The following MAP1B variants were observed in gnomAD, a reference collection of about 807,000 sequenced individuals.
MAP1B encodes microtubule-associated protein 1B.
MAP1B carries 12 observed loss-of-function variants against 176.1 expected under a neutral mutation model. That is an observed-to-expected ratio of 0.07 (90% confidence interval 0.04 to 0.11). MAP1B has a LOEUF of 0.11. Ranked by LOEUF, MAP1B falls within the 10% of genes least tolerant of loss-of-function variation. The probability of loss-of-function intolerance (pLI) is 1.00; values close to 1 mark genes in which losing one functional copy is unlikely to be tolerated. For missense variants in MAP1B, 2,523 were observed against 2,990.5 expected, an observed-to-expected ratio of 0.84 and a Z score of 3.65; for synonymous variants, 1,044 against 1,135.0, an observed-to-expected ratio of 0.92 and a Z score of 1.61.
At chr5:72,179,044 G>T (rs1746711749) in intron 2 of MAP1B, among the ~76,000 whole-genome samples, 1 of 152,050 alleles carries the variant, frequency 6.6e-6, no homozygotes, top group African/African-American at 2.4e-5. Flanking sequence ...AAGTCTCATT[G>T]TCTGCAAGGC....
At chr5:72,155,703 A>G (rs1268090398) in intron 2 of MAP1B, among the ~76,000 whole-genome samples, 1 of 151,564 alleles carries the variant, frequency 6.6e-6, no homozygotes, top group East Asian at 1.9e-4. Context: ...TCTAGTCTTG[A>G]GTAGCCTTTC....
At position 72,203,627 on chromosome 5, in the gene MAP1B, C is replaced by G. The variant is rs1344788074; in HGVS notation, c.7077C>G (p.Asp2359Glu). 6.2e-7 allele frequency: 1 copy of G among 1,614,150 alleles called. No individual in the cohort carries two copies. The highest frequency in any genetic ancestry group is 1.1e-5 in the South Asian group (1 of 91,072). ...CCCCAGGCCTCCCTGTGTATTTGGA[C>G]CTGTGCTACATTCCTAACCACAGCA... The part of the protein sequence containing the change: ...AVPPGLPVYL[D>E]LCYIPNHSNS... Residue 2359 changes from aspartate to glutamate, a missense_variant, in exon 6 of 7, where the codon GAC (aspartate) becomes GAG (glutamate). Transcript: ENST00000296755.
intron 2 of MAP1B, among the ~76,000 whole-genome samples, chr5:72,129,556 TAA>T (rs879933423): frequency 3.6e-5 from 5 of 140,820 alleles, no homozygotes; most frequent in Admixed American, 7.1e-5. Flanking sequence ...GACTCCGTCC[TAA>T]AAAAAAAAAA....
At chr5:72,158,946 T>G (rs1198210773) in intron 2 of MAP1B, among the ~76,000 whole-genome samples, 1 of 152,226 alleles carries the variant, frequency 6.6e-6, no homozygotes, top group Non-Finnish European at 1.5e-5. Context: ...ACCCATTTCT[T>G]GAGTATCCAC....
At position 72,194,229 on chromosome 5, in the gene MAP1B, T is replaced by A. The variant is rs1747092587; in HGVS notation, c.874T>A (p.Ser292Thr). 4 of 1,614,140 alleles carry A rather than the reference T, an allele frequency of 2.5e-6. No individual in the cohort carries two copies. The East Asian group carries it at 8.9e-5, about 36-fold the overall frequency. The part of the protein sequence containing the change: ...MLINGGSERK[S>T]CFWKLIRHLD... ...CATCAATGGCGGATCAGAGAGAAAA[T>A]CCTGCTTCTGGAAGCTCATCCGACA... is the stretch of plus-strand genomic sequence containing the variant. Residue 292 changes from serine (S) to threonine (T), a missense_variant, in exon 5 of 7, where the codon TCC becomes ACC. Ser to Thr is a moderately conservative substitution (Grantham distance 58). This residue lies in a region of MAP1B where 307 missense variants were observed against 438.4 expected (regional missense o/e 0.70). Coordinates refer to ENST00000296755, the MANE Select transcript of MAP1B (RefSeq NM_005909.5). This position sits in a 1 kb window ranked among gnomAD's most constrained non-coding sequence, Gnocchi z 7.2.
chr5:72,153,137 A>G (rs1222428198), intron 2 of MAP1B, among the ~76,000 whole-genome samples: 1 of 152,210 alleles, frequency 6.6e-6, no homozygotes, highest in African/African-American at 2.4e-5. Context: ...TGTTTGCTTC[A>G]GATCTGTGTT....
chr5:72,175,593 G>A (rs1746637207), intron 2 of MAP1B, among the ~76,000 whole-genome samples: 1 of 152,070 alleles, frequency 6.6e-6, no homozygotes, highest in Admixed American at 6.6e-5. Flanking sequence ...CTTAACCCTT[G>A]ATATCCTTGA....
At chr5:72,150,860 T>A (rs1746127847) in intron 2 of MAP1B, among the ~76,000 whole-genome samples, 1 of 152,180 alleles carries the variant, frequency 6.6e-6, no homozygotes, top group East Asian at 1.9e-4. Flanking sequence ...CAGCCATAAT[T>A]TTCTTGCATC....
At position 72,206,473 on chromosome 5, in the gene MAP1B, A is replaced by T. The variant is rs1294195965; in HGVS notation, c.*1234A>T. The stretch of plus-strand genomic sequence containing the variant: ...AATGGCTTCTATGATCAGAACTGGG[A>T]AAACAGTGAATCTTATGGTGGAAGA... On this transcript the variant is annotated 3_prime_UTR_variant, in exon 7 of 7. Coordinates refer to ENST00000296755, the MANE Select transcript of MAP1B (RefSeq NM_005909.5). The T allele has an allele frequency of 6.6e-6, 1 of 152,644 alleles. No individual in the cohort carries two copies. The highest frequency in any genetic ancestry group is 1.5e-5 in the Non-Finnish European group (1 of 68,048). 9.5% of individuals were successfully genotyped at this position (152,644 alleles called of 1,614,324 possible). A position where few individuals can be genotyped will look rare whatever the true frequency, so the allele number is the denominator to read the frequency against.
Position 72,108,598 on chromosome 5 carries a change from G to A in MAP1B, c.184+883G>A, listed in dbSNP as rs1004186041. Among the ~76,000 whole-genome samples, 5 of 152,286 alleles carry A rather than the reference G, an allele frequency of 3.3e-5. No individual in the cohort carries two copies. In the East Asian group the frequency reaches 9.7e-4, roughly 30 times the overall value. Reference sequence around the variant, plus strand: ...ACCCTGGGCGGGGCCGTGAGGGTCCGGCGGGCACAGCCTCGGGCGCACAGA... The same window carrying A: ...ACCCTGGGCGGGGCCGTGAGGGTCCAGCGGGCACAGCCTCGGGCGCACAGA... On this transcript the variant is annotated intron_variant, in intron 1 of 6. Coordinates refer to ENST00000296755, the MANE Select transcript of MAP1B (RefSeq NM_005909.5).
chr5:72,161,839 C>T (rs1490421994), intron 2 of MAP1B, among the ~76,000 whole-genome samples: 1 of 151,702 alleles, frequency 6.6e-6, no homozygotes, highest in South Asian at 2.1e-4. Flanking sequence ...CGTCTGTAAT[C>T]CCAGCTATTC....
chr5:72,154,800 C>T (rs1746200281), intron 2 of MAP1B, among the ~76,000 whole-genome samples: 1 of 152,204 alleles, frequency 6.6e-6, no homozygotes, highest in South Asian at 2.1e-4. Flanking sequence ...CCTCTGTGTG[C>T]ATTTTTCCTT....
At chr5:72,142,606 A>G (rs1211693209) in intron 2 of MAP1B, among the ~76,000 whole-genome samples, 1 of 152,208 alleles carries the variant, frequency 6.6e-6, no homozygotes, top group East Asian at 1.9e-4. Flanking sequence ...TCATTTTAAA[A>G]GATGATTTAA....
chr5:72,175,134 G>A (rs182316045), intron 2 of MAP1B, among the ~76,000 whole-genome samples: 3,690 of 144,818 alleles, frequency 0.025, 168 homozygotes, highest in African/African-American at 0.092. Flanking sequence ...GTGTGATCTC[G>A]GCTCACTACA....
chr5:72,142,924 A>G lies in MAP1B; in HGVS notation c.286+27125A>G, dbSNP rs561354781. On this transcript the variant is annotated intron_variant, in intron 2 of 6. Coordinates refer to ENST00000296755, the MANE Select transcript of MAP1B (RefSeq NM_005909.5). ...TTTTTAAGTGATTTGAAGTCAAGAT[A>G]TAATCATTCTTGGCCCAGCTTCATA... 1.2e-4 allele frequency among the ~76,000 whole-genome samples: 19 copies of G among 152,302 alleles called. No homozygotes were observed. The South Asian group carries it at 1.7e-3, about 13-fold the overall frequency.
At chr5:72,135,607 T>C (rs1745824452) in intron 2 of MAP1B, among the ~76,000 whole-genome samples, 1 of 152,224 alleles carries the variant, frequency 6.6e-6, no homozygotes. Context: ...TGTGAATTTT[T>C]CTTGGGAGTT....
intron 2 of MAP1B, among the ~76,000 whole-genome samples, chr5:72,135,261 G>A (rs1745817476): frequency 6.6e-6 from 1 of 152,102 alleles, no homozygotes; most frequent in South Asian, 2.1e-4. Context: ...GGCATTAATT[G>A]GCAATAGTAC....
chr5:72,155,584 A>C (rs1746213153), intron 2 of MAP1B, among the ~76,000 whole-genome samples: 1 of 152,172 alleles, frequency 6.6e-6, no homozygotes, highest in African/African-American at 2.4e-5. Context: ...GAGCCTGTCT[A>C]CACCATGTTC....
intron 1 of MAP1B, among the ~76,000 whole-genome samples, chr5:72,111,070 C>T (rs903665681): frequency 3.9e-5 from 6 of 152,246 alleles, no homozygotes; most frequent in South Asian, 2.1e-4. Context: ...AAATCGTTTT[C>T]GCTACCACCA....
Sources: allele counts gnomAD v4.1 joint callset (sites outside exome capture counted in the v4.1 genomes callset), GRCh38; gene constraint gnomAD v4.1.1; regional missense constraint gnomAD v4.1.1; non-coding constraint Gnocchi (gnomAD v3.1); transcripts MANE v1.5; gene names NCBI Gene and HGNC (gene_info 2026-07-23, HGNC 2026-07-21).